DLGAP1: variants seen among roughly 807,000 people sequenced by gnomAD.
DLGAP1 encodes the protein DLG associated protein 1.
In DLGAP1, 11 loss-of-function variants were observed where a neutral mutation model predicts 90.8. The observed-to-expected ratio is 0.12, with a 90% confidence interval of 0.08 to 0.20. DLGAP1 has a LOEUF of 0.20. Ranked by LOEUF, DLGAP1 falls within the 10% of genes least tolerant of loss-of-function variation. The probability of loss-of-function intolerance (pLI) is 1.00; values close to 1 mark genes in which losing one functional copy is unlikely to be tolerated. For synonymous variants in DLGAP1, 558 were observed against 540.7 expected (o/e 1.03, Z -0.44); for missense variants, 1,050 against 1,333.8 (o/e 0.79, Z 3.31).
chr18:3,830,115 T>G (rs1249388435), intron 4 of DLGAP1, among the ~76,000 whole-genome samples: 1 of 152,260 alleles, frequency 6.6e-6, no homozygotes, highest in East Asian at 1.9e-4. Context: ...GTGAGACTCT[T>G]ACTGGCTCTG....
chr18:3,862,488 T>A (rs1308578859), intron 4 of DLGAP1, among the ~76,000 whole-genome samples: 5 of 152,144 alleles, frequency 3.3e-5, no homozygotes, highest in Admixed American at 3.3e-4. Flanking sequence ...AGATATCACG[T>A]AAGGTGCTGC....
intron 5 of DLGAP1, among the ~76,000 whole-genome samples, chr18:3,762,180 T>A (rs911207227): frequency 6.6e-6 from 1 of 152,212 alleles, no homozygotes; most frequent in Non-Finnish European, 1.5e-5. Context: ...AAACTCAATA[T>A]AATATTGTTG....
chr18:4,359,206 C>T lies in DLGAP1; in HGVS notation c.-267+95800G>A, dbSNP rs56307263. ...CATGCTACCGTAAAATATGGCACCT[C>T]GGTATTTGAAAACAATGCAGAAGTG... On this transcript the variant is annotated intron_variant, in intron 1 of 12. Transcript: ENST00000315677. Among the ~76,000 whole-genome samples the T allele has an allele frequency of 9.3e-3, 1,416 of 152,248 alleles. 14 individuals are homozygous for T. Among genetic ancestry groups the T allele is most frequent in the Admixed American group, 0.026 (405 of 15,290 alleles).
At chr18:4,007,654 TCAAACAAA>T (rs58276911) in intron 2 of DLGAP1, among the ~76,000 whole-genome samples, 6 of 151,708 alleles carry the variant, frequency 4.0e-5, no homozygotes, top group East Asian at 3.9e-4. Context: ...AGGCTCCATC[TCAAACAAA>T]CAAACAAACA....
chr18:4,120,405 T>C (rs887141993), intron 2 of DLGAP1, among the ~76,000 whole-genome samples: 3 of 152,080 alleles, frequency 2.0e-5, no homozygotes, highest in Non-Finnish European at 2.9e-5. Flanking sequence ...AGAAAGCCAA[T>C]AGGAAAAAGT....
chr18:3,509,782 C>T (rs1257422929), intron 10 of DLGAP1, among the ~76,000 whole-genome samples: 1 of 152,224 alleles, frequency 6.6e-6, no homozygotes, highest in African/African-American at 2.4e-5. Context: ...CATTCTGGCC[C>T]AGGGTTTTCT....
chr18:4,098,516 G>A (rs2075722174), intron 2 of DLGAP1, among the ~76,000 whole-genome samples: 2 of 152,064 alleles, frequency 1.3e-5, no homozygotes, highest in Non-Finnish European at 2.9e-5. Flanking sequence ...TGAAGAGTTA[G>A]GTAAAAGGAA....
intron 4 of DLGAP1, among the ~76,000 whole-genome samples, chr18:3,871,132 C>G (rs1189565719): frequency 6.6e-6 from 1 of 152,190 alleles, no homozygotes; most frequent in East Asian, 1.9e-4. Context: ...GCACTGGTAG[C>G]CAGGCAGTGA....
intron 1 of DLGAP1, among the ~76,000 whole-genome samples, chr18:4,289,549 G>GT (rs1440564079): frequency 6.6e-6 from 1 of 152,122 alleles, no homozygotes; most frequent in African/African-American, 2.4e-5. Flanking sequence ...ATTTGATTCC[G>GT]TAACTGTTAA....
chr18:4,392,463 T>C (rs1193805333), intron 1 of DLGAP1, among the ~76,000 whole-genome samples: 1 of 152,178 alleles, frequency 6.6e-6, no homozygotes, highest in African/African-American at 2.4e-5. Context: ...ATTCTGAGGC[T>C]GTATCCAAGT....
intron 9 of DLGAP1, among the ~76,000 whole-genome samples, chr18:3,554,429 G>A (rs1017653274): frequency 1.3e-5 from 2 of 152,218 alleles, no homozygotes; most frequent in Admixed American, 6.5e-5. Flanking sequence ...ACTGGCTTGA[G>A]AGGAGCAGTC....
intron 2 of DLGAP1, among the ~76,000 whole-genome samples, chr18:4,115,094 T>G (rs1253449542): frequency 6.6e-6 from 1 of 152,190 alleles, no homozygotes; most frequent in Non-Finnish European, 1.5e-5. Flanking sequence ...ATTTAACTTA[T>G]CTTAATGATC....
intron 3 of DLGAP1, chr18:3,895,639 C>A (rs2071603678): frequency 6.6e-6 from 1 of 152,236 alleles, no homozygotes; most frequent in Non-Finnish European, 1.5e-5. Flanking sequence ...AGTAAAATGA[C>A]TATTTTTGTA....
At chr18:3,941,392 A>G (rs1292911525) in intron 3 of DLGAP1, among the ~76,000 whole-genome samples, 2 of 152,178 alleles carry the variant, frequency 1.3e-5, no homozygotes, top group Non-Finnish European at 2.9e-5. Context: ...CCAGGTAGCC[A>G]TGAGGCCTGA....
intron 7 of DLGAP1, among the ~76,000 whole-genome samples, chr18:3,641,572 T>TAC (rs201760431): frequency 0.039 from 5,132 of 133,220 alleles, 237 homozygotes; most frequent in East Asian, 0.2. Flanking sequence ...TAAGACAATG[T>TAC]ACACATATAT....
intron 7 of DLGAP1, among the ~76,000 whole-genome samples, chr18:3,706,494 G>C (rs1474106509): frequency 1.3e-5 from 2 of 152,154 alleles, no homozygotes; most frequent in Non-Finnish European, 2.9e-5. Context: ...AGCATCAACA[G>C]CTCCCGGGCA....
At chr18:3,988,310 T>C (rs2073884030) in intron 3 of DLGAP1, among the ~76,000 whole-genome samples, 1 of 152,166 alleles carries the variant, frequency 6.6e-6, no homozygotes, top group South Asian at 2.1e-4. Context: ...TCAACTCACT[T>C]GCCACTATAA....
At chr18:4,285,556 T>G (rs765671388) in intron 1 of DLGAP1, among the ~76,000 whole-genome samples, 2 of 152,176 alleles carry the variant, frequency 1.3e-5, no homozygotes, top group Non-Finnish European at 2.9e-5. Context: ...TAAAGAAGTT[T>G]AATTGAGCAA....
chr18:4,339,898 T>C (rs1174264747), intron 1 of DLGAP1, among the ~76,000 whole-genome samples: 2 of 152,218 alleles, frequency 1.3e-5, no homozygotes, highest in Non-Finnish European at 2.9e-5. Context: ...CTACTGAAGA[T>C]GTTTAAGTTT....
Sources: allele counts gnomAD v4.1 joint callset (sites outside exome capture counted in the v4.1 genomes callset), GRCh38; gene constraint gnomAD v4.1.1; transcripts MANE v1.5; gene names NCBI Gene and HGNC (gene_info 2026-07-23, HGNC 2026-07-21).